The following RNF175 variants were observed in gnomAD, a reference collection of about 807,000 sequenced individuals.
RNF175 encodes the protein ring finger protein 175.
Under a neutral mutation model 50.0 loss-of-function variants are expected in RNF175, and 38 were observed. That is an observed-to-expected ratio of 0.76 (90% CI 0.59 to 1.00). The LOEUF is 1.00. RNF175 is among the 50% of genes least tolerant of loss of function. The pLI, the probability that RNF175 is intolerant of heterozygous loss-of-function variation, is 0.00. For synonymous variants in RNF175, 155 were observed against 146.1 expected (o/e 1.06, Z -0.44); for missense variants, 388 against 409.6 (o/e 0.95, Z 0.46).
At chr4:153,759,689 G>T in intron 1 of RNF175, 108 bp downstream of exon 1, 1 of 692,752 alleles carries the variant, frequency 1.4e-6, no homozygotes, top group South Asian at 2.3e-5. Context: ...GGTTCTCCCC[G>T]GTGGGGCCCG....
intron 6 of RNF175, among the ~76,000 whole-genome samples, chr4:153,717,494 C>A (rs940135582): frequency 2.6e-5 from 4 of 151,044 alleles, no homozygotes; most frequent in African/African-American, 9.7e-5. Context: ...ACAAGGAATT[C>A]ATCTGTATAT....
At chr4:153,710,632 A>T in intron 8 of RNF175, 143 bp from the exon 9 acceptor site, 1 of 760,210 alleles carries the variant, frequency 1.3e-6, no homozygotes, top group South Asian at 1.9e-5. Context: ...AAAGCCCCTT[A>T]TGTGAGTTTT....
intron 4 of RNF175, among the ~76,000 whole-genome samples, chr4:153,724,118 CA>C (rs1360367364): frequency 3.3e-5 from 5 of 152,178 alleles, no homozygotes; most frequent in Non-Finnish European, 7.3e-5. Flanking sequence ...TCCTTGTTCC[CA>C]AAGGGTCTAA....
At chr4:153,744,567 A>AT (rs962147754) in intron 3 of RNF175, among the ~76,000 whole-genome samples, 1 of 152,142 alleles carries the variant, frequency 6.6e-6, no homozygotes, top group African/African-American at 2.4e-5. Context: ...GAAAAAGAAC[A>AT]TTTTTTTCTA....
chr4:153,712,324 A>G (rs1340251078), intron 8 of RNF175, 151 bp downstream of exon 8: 1 of 598,066 alleles, frequency 1.7e-6, no homozygotes, highest in Non-Finnish European at 3.0e-6. Context: ...AGAGGAGAAA[A>G]GAGACCATAA....
intron 2 of RNF175, among the ~76,000 whole-genome samples, chr4:153,749,968 AC>A (rs1378104434): frequency 6.6e-6 from 1 of 152,204 alleles, no homozygotes; most frequent in Non-Finnish European, 1.5e-5. Flanking sequence ...GCAAATTAAT[AC>A]AGATTTGCAG....
chr4:153,736,257 T>C (rs1739347662), intron 3 of RNF175, among the ~76,000 whole-genome samples: 1 of 152,230 alleles, frequency 6.6e-6, no homozygotes, highest in Non-Finnish European at 1.5e-5. Context: ...GATGTGATTA[T>C]TTACATAAAT....
intron 2 of RNF175, among the ~76,000 whole-genome samples, chr4:153,749,113 C>T (rs991116625): frequency 3.3e-5 from 5 of 152,100 alleles, no homozygotes; most frequent in Non-Finnish European, 7.4e-5. Context: ...AGTAATGAGC[C>T]CCAGGAAGAC....
At chr4:153,736,940 C>A (rs556340547) in intron 3 of RNF175, among the ~76,000 whole-genome samples, 1 of 152,270 alleles carries the variant, frequency 6.6e-6, no homozygotes, top group African/African-American at 2.4e-5. Flanking sequence ...GCTCACTGTA[C>A]CTCCAACTCC....
intron 5 of RNF175, among the ~76,000 whole-genome samples, chr4:153,722,211 T>C (rs1198751956): frequency 6.6e-6 from 1 of 152,230 alleles, no homozygotes; most frequent in African/African-American, 2.4e-5. Flanking sequence ...ACAGGCTGGT[T>C]ACTCAGCCTC....
chr4:153,716,589 G>C lies in RNF175; in HGVS notation c.631-927C>G, dbSNP rs1029746193. ...TTCCAAAGAAAATTATTTTATAATA[G>C]TTTTAGATTTAAAGAAAAGATACAA... is the stretch of plus-strand genomic sequence containing the variant. On this transcript the variant is annotated intron_variant, in intron 6 of 8. Transcript: ENST00000347063. 3.3e-5 allele frequency among the ~76,000 whole-genome samples: 5 copies of C among 151,980 alleles called. No individual in the cohort carries two copies. In the East Asian group the frequency reaches 7.7e-4, roughly 23 times the overall value.
At chr4:153,725,905 T>C (rs1358570254) in intron 4 of RNF175, among the ~76,000 whole-genome samples, 1 of 152,154 alleles carries the variant, frequency 6.6e-6, no homozygotes, top group African/African-American at 2.4e-5. Flanking sequence ...GTACCTATTT[T>C]CAGGAACAGT....
At chr4:153,755,841 A>G (rs1740537725) in intron 1 of RNF175, among the ~76,000 whole-genome samples, 1 of 152,230 alleles carries the variant, frequency 6.6e-6, no homozygotes, top group African/African-American at 2.4e-5. Context: ...ATATCTACAT[A>G]AAAGAATCTG....
At position 153,723,466 on chromosome 4, in the gene RNF175, G is replaced by A; in HGVS notation, c.402-8C>T. ...AACCATTTGTAGACCAATCTGTGGA[G>A]TGAAAAATGGGGAGAAACACAGAAC... On this transcript the variant is annotated splice_region_variant and splice_polypyrimidine_tract_variant and intron_variant, in intron 4 of 8. Coordinates refer to ENST00000347063, the MANE Select transcript of RNF175 (RefSeq NM_173662.4). 1 of 1,297,354 alleles carries A rather than the reference G, an allele frequency of 7.7e-7. No individual in the cohort carries two copies. The highest frequency in any genetic ancestry group is 1.1e-6 in the Non-Finnish European group (1 of 894,604). The allele number at this position is 1,297,354 out of a possible 1,614,324, so 80.4% of individuals were successfully genotyped here.
intron 7 of RNF175, chr4:153,714,893 G>A (rs188703637): frequency 1.3e-5 from 2 of 159,192 alleles, no homozygotes; most frequent in African/African-American, 4.8e-5. Flanking sequence ...GAACCCATTG[G>A]TGGAGGAGCC....
In RNF175 at chr4:153,736,388, A is replaced by T. The variant is rs71620271; in HGVS notation, c.247-8027T>A. On this transcript the variant is annotated intron_variant, in intron 3 of 8. Transcript: ENST00000347063. ...CTAATATTTTGATGAAGATTTTTGG[A>T]TTTATGTTTTTGAGAGATTTTGGTC... Among the ~76,000 whole-genome samples the T allele has an allele frequency of 5.1e-3, 770 of 152,052 alleles. 2 individuals are homozygous for T. The highest frequency in any genetic ancestry group is 8.7e-3 in the Non-Finnish European group (589 of 67,976).
At chr4:153,741,575 C>T (rs1739661102) in intron 3 of RNF175, among the ~76,000 whole-genome samples, 2 of 152,170 alleles carry the variant, frequency 1.3e-5, no homozygotes, top group African/African-American at 2.4e-5. Flanking sequence ...ATCTGTCTCT[C>T]TAGATTTTGA....
At chr4:153,752,934 A>T (rs1456817669) in intron 1 of RNF175, among the ~76,000 whole-genome samples, 2 of 151,480 alleles carry the variant, frequency 1.3e-5, no homozygotes, top group Admixed American at 6.6e-5. Flanking sequence ...AACTGTGTTT[A>T]AAAAAAAAGT....
At chr4:153,748,980 C>G (rs1010042205) in intron 2 of RNF175, among the ~76,000 whole-genome samples, 194 bp from the exon 3 acceptor site, 3 of 152,200 alleles carry the variant, frequency 2.0e-5, no homozygotes, top group African/African-American at 7.2e-5. Flanking sequence ...TTCCCTTTCC[C>G]TAGATCTGGA....
Sources: allele counts gnomAD v4.1 joint callset (sites outside exome capture counted in the v4.1 genomes callset), GRCh38; gene constraint gnomAD v4.1.1; transcripts MANE v1.5; gene names NCBI Gene and HGNC (gene_info 2026-07-23, HGNC 2026-07-21).